The following MKRN2 variants were observed in gnomAD, a reference collection of about 807,000 sequenced individuals.
MKRN2 encodes makorin ring finger protein 2, also known as E3 ubiquitin-protein ligase makorin-2.
In MKRN2, 32 loss-of-function variants were observed where a neutral mutation model predicts 45.4. The ratio of observed to expected loss-of-function variants is 0.70; its 90% confidence interval spans 0.53 to 0.95. The LOEUF is 0.95. Among genes scored for constraint, MKRN2 ranks in the 40% least tolerant of loss-of-function variants. The probability of loss-of-function intolerance (pLI) is 0.00; values close to 1 mark genes in which losing one functional copy is unlikely to be tolerated. For missense variants in MKRN2, 526 were observed against 536.7 expected (o/e 0.98, Z 0.20); for synonymous variants, 206 against 192.4 (o/e 1.07, Z -0.59).
intron 2 of MKRN2, among the ~76,000 whole-genome samples, chr3:12,569,798 G>T (rs2058088040): frequency 1.3e-5 from 2 of 152,164 alleles, no homozygotes; most frequent in African/African-American, 2.4e-5. Flanking sequence ...GAACTTTCAG[G>T]TTCTCTGTGT....
At chr3:12,579,543 G>A (rs147832149) in intron 6 of MKRN2, among the ~76,000 whole-genome samples, 2 of 152,336 alleles carry the variant, frequency 1.3e-5, no homozygotes, top group African/African-American at 4.8e-5. Context: ...CTTCATGAGG[G>A]ACCATCTATC....
chr3:12,576,889 G>A (rs1317135303), intron 6 of MKRN2, 148 bp downstream of exon 6: 3 of 411,166 alleles, frequency 7.3e-6, no homozygotes, highest in Non-Finnish European at 1.4e-5. Context: ...CTGGGATGCA[G>A]CAATGAGCAA....
chr3:12,576,057 T>A (rs1418968799), intron 5 of MKRN2, among the ~76,000 whole-genome samples: 1 of 152,204 alleles, frequency 6.6e-6, no homozygotes, highest in Non-Finnish European at 1.5e-5. Context: ...CTAGGTTTTA[T>A]GGTATAATAA....
At chr3:12,562,817 A>C (rs2058047231) in intron 1 of MKRN2, among the ~76,000 whole-genome samples, 1 of 151,884 alleles carries the variant, frequency 6.6e-6, no homozygotes, top group Non-Finnish European at 1.5e-5. Context: ...ATGAACTGTC[A>C]CTGTCTCCCA....
At chr3:12,562,996 G>T (rs576875788) in intron 1 of MKRN2, among the ~76,000 whole-genome samples, 4 of 152,202 alleles carry the variant, frequency 2.6e-5, no homozygotes, top group South Asian at 2.1e-4. Context: ...CCCCCATTCC[G>T]TGGAAAAATT....
chr3:12,572,950 AT>A (rs2058108790), intron 4 of MKRN2, among the ~76,000 whole-genome samples: 1 of 152,196 alleles, frequency 6.6e-6, no homozygotes, highest in Admixed American at 6.5e-5. Context: ...ATATAAAATC[AT>A]GCTAAGTTCA....
intron 3 of MKRN2, among the ~76,000 whole-genome samples, chr3:12,571,836 TC>T (rs1300473788): frequency 6.6e-6 from 1 of 152,228 alleles, no homozygotes; most frequent in African/African-American, 2.4e-5. Context: ...TATTTCCCTG[TC>T]TTGCCATTTT....
intron 1 of MKRN2, among the ~76,000 whole-genome samples, chr3:12,558,360 C>T (rs1057104235): frequency 1.3e-5 from 2 of 152,104 alleles, no homozygotes; most frequent in Non-Finnish European, 2.9e-5. Flanking sequence ...TGTGTGTTTA[C>T]GTATTTTTAT....
At chr3:12,578,194 T>C (rs2058154269) in intron 6 of MKRN2, among the ~76,000 whole-genome samples, 1 of 152,190 alleles carries the variant, frequency 6.6e-6, no homozygotes, top group Non-Finnish European at 1.5e-5. Context: ...CCAATGGCTG[T>C]GATTTCCTTG....
intron 1 of MKRN2, among the ~76,000 whole-genome samples, chr3:12,566,409 G>A (rs185106940): frequency 6.6e-6 from 1 of 152,008 alleles, no homozygotes; most frequent in African/African-American, 2.4e-5. Flanking sequence ...TTTTTACAGT[G>A]AGAAGCCAAG....
chr3:12,577,381 T>C (rs2058148460), intron 6 of MKRN2: 1 of 152,226 alleles, frequency 6.6e-6, no homozygotes, highest in Non-Finnish European at 1.5e-5. Context: ...GTCTTGTTTT[T>C]TTCTTTTCCT....
At chr3:12,562,763 T>A (rs2058046734) in intron 1 of MKRN2, among the ~76,000 whole-genome samples, 1 of 152,012 alleles carries the variant, frequency 6.6e-6, no homozygotes. Flanking sequence ...GCTGTGCATG[T>A]GAGGGATCTA....
At chr3:12,565,829 T>C (rs1260372004) in intron 1 of MKRN2, among the ~76,000 whole-genome samples, 1 of 152,026 alleles carries the variant, frequency 6.6e-6, no homozygotes, top group Admixed American at 6.6e-5. Flanking sequence ...CATGAGCCAC[T>C]GCATGCGGCC....
At chr3:12,569,934 A>C in intron 2 of MKRN2, 137 bp from the exon 3 acceptor site, 2 of 747,906 alleles carry the variant, frequency 2.7e-6, no homozygotes, top group Non-Finnish European at 4.2e-6. Flanking sequence ...ATCCTGTTAG[A>C]GTTTAAATAT....
Position 12,574,932 on chromosome 3 carries a change from T to C in MKRN2, c.783T>C (p.Asn261=), listed in dbSNP as rs547551733. The C allele has an allele frequency of 3.1e-6, 5 of 1,614,128 alleles. No homozygotes were observed. The highest frequency in any genetic ancestry group is 2.2e-5 in the South Asian group (2 of 91,090). Residue 261 remains asparagine (N), a synonymous_variant, in exon 5 of 8, where the codon AAT becomes AAC. Transcript: ENST00000170447. ...ASERRFGILS[N]CNHTYCLSCI... ...AGAGGAGATTTGGGATTCTCTCCAA[T>C]TGCAATCACACGTACTGTTTGTCCT... is the stretch of plus-strand genomic sequence containing the variant.
chr3:12,575,971 G>T (rs899211253), intron 5 of MKRN2, among the ~76,000 whole-genome samples: 1 of 152,198 alleles, frequency 6.6e-6, no homozygotes, highest in South Asian at 2.1e-4. Flanking sequence ...GAATAATGCT[G>T]CTGTCAACAT....
chr3:12,576,197 GT>G (rs2058135283), intron 5 of MKRN2, among the ~76,000 whole-genome samples: 1 of 127,526 alleles, frequency 7.8e-6, no homozygotes, highest in Non-Finnish European at 1.5e-5. Context: ...ATATGTGTGT[GT>G]GTGTGTGTGT....
chr3:12,564,825 T>A (rs1373049472), intron 1 of MKRN2, among the ~76,000 whole-genome samples: 1 of 152,236 alleles, frequency 6.6e-6, no homozygotes, highest in Non-Finnish European at 1.5e-5. Context: ...ACTTTTTGTC[T>A]CTGTAGATTT....
At position 12,576,187 on chromosome 3, in the gene MKRN2, A is replaced by ATGTGTGTG. The variant is rs1296884589; in HGVS notation, c.858-443_858-442insGTGTGTGT. 2.0e-3 allele frequency among the ~76,000 whole-genome samples: 253 copies of ATGTGTGTG among 128,838 alleles called. 3 individuals carry two copies. The highest frequency in any genetic ancestry group is 8.5e-3 in the African/African-American group (239 of 28,118). The allele number at this position is 128,838 out of a possible 152,430, so 84.5% of individuals were successfully genotyped here. On this transcript the variant is annotated intron_variant, in intron 5 of 7. Coordinates refer to ENST00000170447, the MANE Select transcript of MKRN2 (RefSeq NM_014160.5). Reference sequence around the variant, plus strand: ...CTGTCTTTTTTGTTGAGGAAACCATATATGTGTGTGTGTGTGTGTGTGTGT... The same window carrying ATGTGTGTG: ...CTGTCTTTTTTGTTGAGGAAACCATATGTGTGTGTATGTGTGTGTGTGTGTGTGTGTGT...
Sources: gnomAD v4.1 joint callset for allele counts (sites outside exome capture counted in the v4.1 genomes callset) on GRCh38, gnomAD v4.1.1 for gene constraint, MANE v1.5 for transcripts, NCBI Gene and HGNC (gene_info 2026-07-23, HGNC 2026-07-21) for gene names.